Variants in PAM16 observed in about 807,000 individuals in gnomAD.
PAM16 encodes the protein presequence translocase associated motor 16.
PAM16 carries 11 observed loss-of-function variants against 17.9 expected under a neutral mutation model. The ratio of observed to expected loss-of-function variants is 0.62; its 90% CI spans 0.39 to 1.02. The LOEUF is 1.02. Ranked by LOEUF, PAM16 falls within the 50% of genes least tolerant of loss-of-function variation. PAM16 has a pLI of 0.01. For missense variants in PAM16, 199 were observed against 165.4 expected (o/e 1.20, Z -1.11); for synonymous variants, 72 against 67.4 (o/e 1.07, Z -0.34).
chr16:4,350,111 T>C (rs1399093106), intron 1 of PAM16, among the ~76,000 whole-genome samples: 12 of 151,964 alleles, frequency 7.9e-5, no homozygotes, highest in Admixed American at 7.9e-4. Context: ...CCTGAACTTT[T>C]TTTTTCCCCC....
chr16:4,350,122 T>C (rs538779993), intron 1 of PAM16, among the ~76,000 whole-genome samples: 31 of 151,720 alleles, frequency 2.0e-4, no homozygotes, highest in East Asian at 5.8e-4. Flanking sequence ...TTTTTCCCCC[T>C]CTTTTTCTTT....
intron 1 of PAM16, chr16:4,348,111 G>A (rs1303685190): frequency 6.6e-6 from 1 of 152,232 alleles, no homozygotes; most frequent in African/African-American, 2.4e-5. Context: ...CAGGGCCCCT[G>A]AGAATAGATA....
chr16:4,350,070 G>T (rs1487678453), intron 1 of PAM16, among the ~76,000 whole-genome samples: 2 of 152,062 alleles, frequency 1.3e-5, no homozygotes, highest in African/African-American at 4.8e-5. Flanking sequence ...GAACTTACGT[G>T]TGCAGAACCT....
intron 1 of PAM16, chr16:4,344,015 C>CA: frequency 7.5e-6 from 3 of 398,042 alleles, no homozygotes; most frequent in Non-Finnish European, 1.3e-5. Context: ...TGCCCCGAGT[C>CA]AGAGCACACT....
rs186923820 is a variant in PAM16, at chr16:4,345,885, T to G, written c.4-2594A>C. ...AAGGACAGAGGTGAAAGTCAGAGGG[T>G]CCCCTCGGCTTGAAACACGGCTCAG... On this transcript the variant is annotated intron_variant, in intron 1 of 4. Coordinates refer to ENST00000318059, the MANE Select transcript of PAM16 (RefSeq NM_016069.11). 7.1e-6 allele frequency: 7 copies of G among 984,990 alleles called. No individual in the cohort carries two copies. In the Admixed American group the frequency reaches 4.3e-4, roughly 61 times the overall value. 61.0% of individuals were successfully genotyped at this position (984,990 alleles called of 1,614,324 possible). A position where few individuals can be genotyped will look rare whatever the true frequency, so the allele number is the denominator to read the frequency against.
At chr16:4,343,017 C>G (rs1567230052) in intron 2 of PAM16, among the ~76,000 whole-genome samples, 190 bp downstream of exon 2, 1 of 152,210 alleles carries the variant, frequency 6.6e-6, no homozygotes, top group African/African-American at 2.4e-5. Context: ...TGTGCCAGCT[C>G]CTGCCCTGGA....
intron 1 of PAM16, chr16:4,343,737 G>C (rs939600868): frequency 2.3e-6 from 1 of 432,338 alleles, no homozygotes; most frequent in East Asian, 3.5e-5. Flanking sequence ...CTTTACCAAC[G>C]GGGAAACAGA....
intron 3 of PAM16, 122 bp from the exon 4 acceptor site, chr16:4,341,107 G>A: frequency 7.5e-7 from 1 of 1,327,982 alleles, no homozygotes; most frequent in East Asian, 2.3e-5. Flanking sequence ...GCCACACCCA[G>A]CTGTTGTGGC....
In PAM16 at chr16:4,341,414, T is replaced by C; in HGVS notation, c.179A>G (p.Gln60Arg). The change falls in exon 3 of 5, where the codon CAG (glutamine) becomes CGG (arginine). Residue 60 changes from glutamine (Q) to arginine (R), a missense_variant. Gln to Arg is a conservative substitution (Grantham distance 43). Coordinates refer to ENST00000318059, the MANE Select transcript of PAM16 (RefSeq NM_016069.11). ...CAGCTTGGACACGTTGAGAATCTGC[T>C]GTGCCTCCTGGAGGCTGAGGCCGGA... ...NLSGLSLQEAQQILNVSKLSP... is the reference protein window; with the variant it reads ...NLSGLSLQEARQILNVSKLSP... 7 of 1,601,778 alleles carry C rather than the reference T, an allele frequency of 4.4e-6. No individual in the cohort carries two copies. Among genetic ancestry groups the C allele is most frequent in the Admixed American group, 1.7e-5 (1 of 58,398 alleles).
intron 1 of PAM16, chr16:4,343,954 G>T: frequency 2.5e-6 from 1 of 398,282 alleles, no homozygotes; most frequent in Non-Finnish European, 4.4e-6. Context: ...CATCTGCTGA[G>T]AGTCTACTCT....
chr16:4,348,080 C>T (rs1462376760), intron 1 of PAM16: 1 of 152,236 alleles, frequency 6.6e-6, no homozygotes, highest in Non-Finnish European at 1.5e-5. Flanking sequence ...GAGACTCACT[C>T]TCAAGGACAC....
At position 4,341,444 on chromosome 16, in the gene PAM16, T is replaced by C; in HGVS notation, c.149A>G (p.Asn50Ser). 6.2e-7 allele frequency: 1 copy of C among 1,608,974 alleles called. No homozygotes were observed. Among genetic ancestry groups the C allele is most frequent in the Non-Finnish European group, 8.5e-7 (1 of 1,178,510 alleles). ...CTCCTGGAGGCTGAGGCCGGAGAGG[T>C]TGGAAGCGGCTGCAGACCGGTGTCC... is the stretch of plus-strand genomic sequence containing the variant. ...RAGHRSAAAS[N>S]LSGLSLQEAQ... The change falls in exon 3 of 5, where the codon AAC becomes AGC. Residue 50 changes from asparagine to serine, a missense_variant. Asn to Ser is a conservative substitution (Grantham distance 46). Transcript: ENST00000318059.
chr16:4,340,542 G>A, intron 4 of PAM16, 137 bp from the exon 5 acceptor site: 2 of 952,786 alleles, frequency 2.1e-6, no homozygotes, highest in South Asian at 1.6e-5. Flanking sequence ...TTCCTTCAGT[G>A]GCACCCCAGG....
chr16:4,341,010 G>A (rs770183989), intron 3 of PAM16, 25 bp from the exon 4 acceptor site: 35 of 1,612,584 alleles, frequency 2.2e-5, no homozygotes, highest in Non-Finnish European at 2.4e-5. Context: ...GGACGGGTGA[G>A]AGGGCTGCAG....
At chr16:4,340,615 G>A (rs141068482) in intron 4 of PAM16, among the ~76,000 whole-genome samples, 7 of 152,334 alleles carry the variant, frequency 4.6e-5, no homozygotes, top group African/African-American at 1.7e-4. Context: ...TGACCTCTGT[G>A]AGCTGAGAGC....
chr16:4,343,657 A>G (rs1351663714), intron 1 of PAM16: 6 of 968,926 alleles, frequency 6.2e-6, no homozygotes, highest in Non-Finnish European at 8.3e-6. Context: ...ACCTGGCAGT[A>G]ACTCACTCTC....
chr16:4,346,203 G>A (rs917255884), intron 1 of PAM16, among the ~76,000 whole-genome samples: 18 of 152,208 alleles, frequency 1.2e-4, no homozygotes, highest in African/African-American at 3.6e-4. Flanking sequence ...TCCTATAGGA[G>A]GCATCTCTGA....
intron 1 of PAM16, 32 bp from the exon 2 acceptor site, chr16:4,343,323 C>T: frequency 6.3e-7 from 1 of 1,576,090 alleles, no homozygotes; most frequent in African/African-American, 1.4e-5. Context: ...GGTTAGCAGG[C>T]CACTCCCTGT....
chr16:4,341,789 A>T (rs908126697), intron 2 of PAM16: 44 of 456,612 alleles, frequency 9.6e-5, no homozygotes, highest in Non-Finnish European at 1.6e-5. Flanking sequence ...CAACCCCCAT[A>T]TCCCAGGGGA....
Sources: allele counts gnomAD v4.1 joint callset (sites outside exome capture counted in the v4.1 genomes callset), GRCh38; gene constraint gnomAD v4.1.1; transcripts MANE v1.5; gene names NCBI Gene and HGNC (gene_info 2026-07-23, HGNC 2026-07-21).